The following ADAM10 variants were observed in gnomAD, a reference collection of about 807,000 sequenced individuals.
The protein encoded by ADAM10 is disintegrin and metalloproteinase domain-containing protein 10.
A neutral mutation model predicts 90.1 loss-of-function variants in ADAM10; 17 were observed. That is an observed-to-expected ratio of 0.19 (90% CI 0.13 to 0.28). The LOEUF (loss-of-function observed/expected upper bound fraction) is 0.28. Ranked by LOEUF, ADAM10 falls within the 10% of genes least tolerant of loss-of-function variation. The pLI is 1.00. For missense variants in ADAM10, 610 were observed against 914.3 expected, an observed-to-expected ratio of 0.67 and a Z score of 4.29; for synonymous variants, 310 against 298.6, an observed-to-expected ratio of 1.04 and a Z score of -0.40.
At chr15:58,627,942 C>G (rs1475648837) in intron 9 of ADAM10, 59 bp from the exon 10 acceptor site, 1 of 1,513,678 alleles carries the variant, frequency 6.6e-7, no homozygotes, top group African/African-American at 1.4e-5. Flanking sequence ...TTCAGGTCAA[C>G]TGATTAAACG....
intron 14 of ADAM10, among the ~76,000 whole-genome samples, chr15:58,607,119 T>C (rs1369656902): frequency 2.0e-5 from 3 of 152,280 alleles, no homozygotes; most frequent in African/African-American, 7.2e-5. Context: ...CATACAGAAA[T>C]AGGCACGGGC....
In ADAM10 at chr15:58,589,927, G is replaced by C. The variant is rs1419553463; in HGVS notation, c.*7620C>G. ...ATGACACCTGCCAAAGTACAAGCCA[G>C]CTCTTCAGCAAATGAATGCAATGCA... On this transcript the variant is annotated 3_prime_UTR_variant, in exon 16 of 16. Coordinates refer to ENST00000260408, the MANE Select transcript of ADAM10 (RefSeq NM_001110.4). 6.6e-6 allele frequency: 1 copy of C among 152,076 alleles called. No individual in the cohort carries two copies. The highest frequency in any genetic ancestry group is 1.5e-5 in the Non-Finnish European group (1 of 68,026). The allele number at this position is 152,076 out of a possible 1,614,324, so 9.4% of individuals were successfully genotyped here.
chr15:58,665,813 A>G (rs1897068390), intron 4 of ADAM10, among the ~76,000 whole-genome samples: 4 of 151,878 alleles, frequency 2.6e-5, no homozygotes, highest in African/African-American at 7.3e-5. Context: ...TTATTTCCTT[A>G]TTTTTAGATC....
chr15:58,699,848 C>T (rs1397367806), intron 2 of ADAM10, among the ~76,000 whole-genome samples: 2 of 152,106 alleles, frequency 1.3e-5, no homozygotes, highest in African/African-American at 2.4e-5. Context: ...TAAGCGCTCA[C>T]ATACCAGTAA....
rs1245375393 is a variant in ADAM10 at position 58,604,400 on chromosome 15, CTCCTTAAAGGCTTT to C, written c.2026-4690_2026-4677del. Among the ~76,000 whole-genome samples, 7 of 152,236 alleles carry C rather than the reference CTCCTTAAAGGCTTT, an allele frequency of 4.6e-5. No individual in the cohort carries two copies. In the South Asian group the frequency reaches 1.5e-3, roughly 32 times the overall value. On this transcript the variant is annotated intron_variant, in intron 14 of 15. Coordinates refer to ENST00000260408, the MANE Select transcript of ADAM10 (RefSeq NM_001110.4). The stretch of plus-strand genomic sequence containing the variant: ...ACAAAGAACTTAGCTCTGGCGTTAT[CTCCTTAAAGGCTTT>C]TCCTAATAGGTTCTCCCAGTTCTGT...
At chr15:58,677,182 C>T (rs1897319038) in intron 4 of ADAM10, among the ~76,000 whole-genome samples, 2 of 152,180 alleles carry the variant, frequency 1.3e-5, no homozygotes, top group Admixed American at 1.3e-4. Flanking sequence ...TCATATCCTA[C>T]AATTTCAATT....
intron 2 of ADAM10, chr15:58,691,313 A>G (rs1301530339): frequency 8.1e-7 from 1 of 1,236,702 alleles, no homozygotes; most frequent in East Asian, 2.4e-5. Flanking sequence ...TCTTCCCATC[A>G]AATTCCTTGA....
At chr15:58,679,013 C>T in intron 4 of ADAM10, 111 bp downstream of exon 4, 1 of 1,089,736 alleles carries the variant, frequency 9.2e-7, no homozygotes, top group Non-Finnish European at 1.3e-6. Flanking sequence ...TATGTTCTAG[C>T]CTGATTAGTA....
At chr15:58,682,150 GAAA>G in intron 3 of ADAM10, 43 bp downstream of exon 3, 1 of 1,239,144 alleles carries the variant, frequency 8.1e-7, no homozygotes, top group Admixed American at 2.1e-5. Flanking sequence ...TCTTTGTGTA[GAAA>G]AAAAAAAATG....
Position 58,665,234 on chromosome 15 carries a change from A to T in ADAM10, c.485-37T>A. 3.5e-6 allele frequency: 5 copies of T among 1,408,836 alleles called. No individual in the cohort carries two copies. The South Asian group carries it at 5.8e-5, about 16-fold the overall frequency. The allele number at this position is 1,408,836 out of a possible 1,614,324, so 87.3% of individuals were successfully genotyped here. ...AGAAGAAACGTCATTACTATCACAC[A>T]TTTAGGTATAACCAATTATAAATGA... On this transcript the variant is annotated intron_variant, in intron 4 of 15. Transcript: ENST00000260408.
At chr15:58,639,422 G>A (rs1471924717) in intron 8 of ADAM10, among the ~76,000 whole-genome samples, 1 of 152,124 alleles carries the variant, frequency 6.6e-6, no homozygotes, top group Non-Finnish European at 1.5e-5. Context: ...GTTTTTAGTA[G>A]TACTTACTAA....
chr15:58,693,761 T>TA (rs36118429), intron 2 of ADAM10, among the ~76,000 whole-genome samples: 23,970 of 135,846 alleles, frequency 0.18, 2,350 homozygotes, highest in East Asian at 0.35. Context: ...GAAATAGCTT[T>TA]AAAAAAAAAA....
intron 5 of ADAM10, among the ~76,000 whole-genome samples, chr15:58,647,634 A>G (rs376115736): frequency 1.3e-5 from 2 of 152,140 alleles, no homozygotes; most frequent in South Asian, 2.1e-4. Context: ...ATGCAGCCTT[A>G]AACTCCTGGG....
intron 1 of ADAM10, among the ~76,000 whole-genome samples, chr15:58,722,942 G>A (rs928373355): frequency 6.6e-5 from 10 of 151,898 alleles, no homozygotes; most frequent in African/African-American, 9.7e-5. Context: ...GTGTTGACCA[G>A]GCTGGTCTCA....
chr15:58,605,859 A>G (rs1483966026), intron 14 of ADAM10, among the ~76,000 whole-genome samples: 1 of 152,176 alleles, frequency 6.6e-6, no homozygotes, highest in Non-Finnish European at 1.5e-5. Context: ...TAAATAGTCT[A>G]ATTTATTATG....
intron 11 of ADAM10, among the ~76,000 whole-genome samples, chr15:58,616,047 A>G (rs1245792382): frequency 6.6e-6 from 1 of 152,168 alleles, no homozygotes; most frequent in Non-Finnish European, 1.5e-5. Flanking sequence ...AGATCACTAT[A>G]TAGTGATAAA....
At chr15:58,699,843 G>A (rs150745535) in intron 2 of ADAM10, among the ~76,000 whole-genome samples, 70 of 152,104 alleles carry the variant, frequency 4.6e-4, no homozygotes, top group African/African-American at 1.5e-3. Context: ...AGGAATAAGC[G>A]CTCACATACC....
intron 1 of ADAM10, 141 bp downstream of exon 1, chr15:58,749,339 G>C (rs1407526986): frequency 8.9e-7 from 1 of 1,125,360 alleles, no homozygotes; most frequent in African/African-American, 1.6e-5. Flanking sequence ...TAGGGAGCGG[G>C]GAGCGCGGCC....
intron 1 of ADAM10, chr15:58,748,677 C>G (rs1899873126): frequency 5.5e-6 from 2 of 362,500 alleles, no homozygotes; most frequent in Non-Finnish European, 9.8e-6. Flanking sequence ...GACCGAACTT[C>G]TACTCTAAGA....
Sources: allele counts gnomAD v4.1 joint callset (sites outside exome capture counted in the v4.1 genomes callset), GRCh38; gene constraint gnomAD v4.1.1; transcripts MANE v1.5; gene names NCBI Gene and HGNC (gene_info 2026-07-23, HGNC 2026-07-21).